The following PPP2R3B variants were observed in gnomAD, a reference collection of about 807,000 sequenced individuals.
PPP2R3B encodes serine/threonine-protein phosphatase 2A regulatory subunit B'' subunit beta.
PPP2R3B carries 68 observed loss-of-function variants against 72.9 expected under a neutral mutation model. That is an observed-to-expected ratio of 0.93 (90% CI 0.77 to 1.14). PPP2R3B has a LOEUF of 1.14. Ranked by LOEUF, PPP2R3B falls within the 50% of genes most tolerant of loss-of-function variation. The probability of loss-of-function intolerance (pLI) is 0.00; values close to 1 mark genes in which losing one functional copy is unlikely to be tolerated. For synonymous variants in PPP2R3B, 466 were observed against 375.8 expected, an observed-to-expected ratio of 1.24 and a Z score of -2.78; for missense variants, 1,018 against 842.0, an observed-to-expected ratio of 1.21 and a Z score of -2.59.
intron 12 of PPP2R3B, chrX:337,282 A>T (rs1043856105): frequency 6.6e-6 from 1 of 151,756 alleles, no homozygotes; most frequent in Non-Finnish European, 1.5e-5. Context: ...GGGTTTCACC[A>T]TGTTGGCCAG....
chrX:380,224 A>G (rs1204804484), intron 1 of PPP2R3B, among the ~76,000 whole-genome samples: 4 of 152,212 alleles, frequency 2.6e-5, no homozygotes, highest in Non-Finnish European at 5.9e-5. Flanking sequence ...AAAAAAGTTG[A>G]AAAACTAAAC....
At chrX:341,092 C>T (rs1226774196) in intron 9 of PPP2R3B, 152 bp from the exon 10 acceptor site, 4 of 1,243,636 alleles carry the variant, frequency 3.2e-6, no homozygotes, top group Non-Finnish European at 4.5e-6. Context: ...CCCCTGCCGC[C>T]CCCACCGGGC....
At position 334,334 on chromosome X, in the gene PPP2R3B, AGCGGCCCCGCG is replaced by A. The variant is rs2070826415; in HGVS notation, c.*22_*32del. On this transcript the variant is annotated 3_prime_UTR_variant, in exon 13 of 13. Transcript: ENST00000390665. ...GGTGGCCCGGTGGTGGCACGTGGGG[AGCGGCCCCGCG>A]GCGGCGTTCTCGCGGGCGGCGTCAC... 3.4e-6 allele frequency: 5 copies of A among 1,451,194 alleles called. No homozygotes were observed. The highest frequency in any genetic ancestry group is 3.0e-5 in the African/African-American group (2 of 67,564). The allele number at this position is 1,451,194 out of a possible 1,614,324, so 89.9% of individuals were successfully genotyped here. A position where few individuals can be genotyped will look rare whatever the true frequency, so the allele number is the denominator to read the frequency against.
At chrX:378,913 AC>A (rs1379646607) in intron 1 of PPP2R3B, among the ~76,000 whole-genome samples, 1 of 152,114 alleles carries the variant, frequency 6.6e-6, no homozygotes, top group Non-Finnish European at 1.5e-5. Context: ...CCCGCACGAA[AC>A]CTTCAGAAAC....
chrX:357,847 G>A (rs749718693), intron 2 of PPP2R3B, among the ~76,000 whole-genome samples: 2 of 152,224 alleles, frequency 1.3e-5, no homozygotes, highest in Admixed American at 1.3e-4. Flanking sequence ...ACACAGAGGA[G>A]TGACAATGAT....
At chrX:351,799 G>T (rs1172316526) in intron 2 of PPP2R3B, among the ~76,000 whole-genome samples, 2 of 152,222 alleles carry the variant, frequency 1.3e-5, no homozygotes, top group Admixed American at 6.5e-5. Flanking sequence ...ACGGGCTCAA[G>T]CAATCCTCCC....
At chrX:361,325 C>A in intron 2 of PPP2R3B, 80 bp downstream of exon 2, 2 of 1,518,752 alleles carry the variant, frequency 1.3e-6, no homozygotes, top group Non-Finnish European at 1.8e-6. Context: ...GTGACACGCA[C>A]CCACCACGGC....
rs1326519420 is a variant in PPP2R3B, at chrX:377,667, ACACC to A, written c.324+8697_324+8700del. 2.5e-3 allele frequency among the ~76,000 whole-genome samples: 336 copies of A among 132,940 alleles called. 1 individual carries two copies. The highest frequency in any genetic ancestry group is 9.9e-3 in the African/African-American group (321 of 32,568). 87.2% of individuals were successfully genotyped at this position (132,940 alleles called of 152,430 possible). A position where few individuals can be genotyped will look rare whatever the true frequency, so the allele number is the denominator to read the frequency against. ...TACTGTATGCAGGGACGGGCCGTCC[ACACC>A]CAGTGGGGCCGCCATGGGGCTGTCT... On this transcript the variant is annotated intron_variant, in intron 1 of 12. Coordinates refer to ENST00000390665, the MANE Select transcript of PPP2R3B (RefSeq NM_013239.5).
At chrX:334,680 G>C in intron 12 of PPP2R3B, 163 bp from the exon 13 acceptor site, 1 of 834,794 alleles carries the variant, frequency 1.2e-6, no homozygotes, top group Non-Finnish European at 1.7e-6. Flanking sequence ...TCCTGGCTGA[G>C]GACGCCGGCT....
At chrX:379,958 A>T (rs761246151) in intron 1 of PPP2R3B, among the ~76,000 whole-genome samples, 10 of 152,274 alleles carry the variant, frequency 6.6e-5, no homozygotes, top group Non-Finnish European at 1.3e-4. Flanking sequence ...AATAATAATA[A>T]AACAGACGTA....
chrX:363,757 G>C (rs1185073663), intron 1 of PPP2R3B, among the ~76,000 whole-genome samples: 1 of 148,668 alleles, frequency 6.7e-6, no homozygotes, highest in Non-Finnish European at 1.5e-5. Context: ...GTCTCTCGCT[G>C]TGGGGGTCCC....
intron 5 of PPP2R3B, chrX:346,466 G>A (rs1603053962): frequency 1.1e-5 from 7 of 627,494 alleles, no homozygotes; most frequent in South Asian, 6.0e-5. Flanking sequence ...GGGACGCCCC[G>A]GAGCTACACG....
intron 7 of PPP2R3B, chrX:345,118 C>T (rs1455426844): frequency 1.0e-5 from 5 of 484,734 alleles, no homozygotes; most frequent in Admixed American, 2.3e-5. Context: ...CCACCTAGCC[C>T]GGGATTGGAT....
At chrX:344,633 C>A (rs1305213354) in intron 7 of PPP2R3B, among the ~76,000 whole-genome samples, 1 of 152,262 alleles carries the variant, frequency 6.6e-6, no homozygotes, top group Non-Finnish European at 1.5e-5. Context: ...TGTGCAGGTG[C>A]TGGCCCAGGC....
rs746047093 is a variant in PPP2R3B, at chrX:340,883, G to C, written c.1233C>G (p.Phe411Leu). ...GCTCCTCGTAGAAGTACTCGAGCTCGAACATGGACAGGGCGCCGTCCCCGT... is the reference window on the plus strand; with the variant it reads ...GCTCCTCGTAGAAGTACTCGAGCTCCAACATGGACAGGGCGCCGTCCCCGT... ...DLDGDGALSM[F>L]ELEYFYEEQC... The change falls in exon 10 of 13, where the codon TTC (phenylalanine) becomes TTG (leucine). Residue 411 changes from phenylalanine to leucine, a missense_variant. Phe to Leu is a conservative substitution (Grantham distance 22). Coordinates refer to ENST00000390665, the MANE Select transcript of PPP2R3B (RefSeq NM_013239.5). 1 of 1,612,042 alleles carries C rather than the reference G, an allele frequency of 6.2e-7. No homozygotes were observed.
intron 2 of PPP2R3B, among the ~76,000 whole-genome samples, chrX:349,576 C>T (rs1433099098): frequency 3.3e-5 from 5 of 152,320 alleles, no homozygotes; most frequent in East Asian, 1.9e-4. Context: ...GAGGCAGAAC[C>T]GTCATGATTC....
rs2071252557 is a variant in PPP2R3B at position 347,708 on chromosome X, G to T, written c.511-15C>A. On this transcript the variant is annotated splice_polypyrimidine_tract_variant and intron_variant, in intron 2 of 12. Coordinates refer to ENST00000390665, the MANE Select transcript of PPP2R3B (RefSeq NM_013239.5). Reference sequence around the variant, plus strand: ...CAGCCGCAGGCCTGGGGCAGAGAGGGCAGGAGTGGGCAGTCAGCAGGGCCT... The same window carrying T: ...CAGCCGCAGGCCTGGGGCAGAGAGGTCAGGAGTGGGCAGTCAGCAGGGCCT... 9 of 1,506,128 alleles carry T rather than the reference G, an allele frequency of 6.0e-6. No homozygotes were observed. In the East Asian group the frequency reaches 2.2e-4, roughly 37 times the overall value. The allele number at this position is 1,506,128 out of a possible 1,614,324, so 93.3% of individuals were successfully genotyped here.
At chrX:364,476 C>G (rs758666999) in intron 1 of PPP2R3B, among the ~76,000 whole-genome samples, 1 of 144,368 alleles carries the variant, frequency 6.9e-6, no homozygotes, top group Non-Finnish European at 1.5e-5. Flanking sequence ...CAAGACCAGC[C>G]TGGGCAACAT....
intron 10 of PPP2R3B, among the ~76,000 whole-genome samples, chrX:340,179 GC>G (rs1386359745): frequency 3.8e-3 from 8 of 2,124 alleles, no homozygotes; most frequent in Non-Finnish European, 6.1e-3. Context: ...GACGGGGGGG[GC>G]GGGGTGAGAG....
Sources: gnomAD v4.1 joint callset for allele counts (sites outside exome capture counted in the v4.1 genomes callset) on GRCh38, gnomAD v4.1.1 for gene constraint, MANE v1.5 for transcripts, NCBI Gene and HGNC (gene_info 2026-07-23, HGNC 2026-07-21) for gene names.